The following OPA1 variants were observed in gnomAD, a reference collection of about 807,000 sequenced individuals.
OPA1 encodes dynamin-like GTPase OPA1, mitochondrial.
OPA1 carries 59 observed loss-of-function variants against 152.9 expected under a neutral mutation model. That is an observed-to-expected ratio of 0.39 (90% CI 0.31 to 0.48). The LOEUF (loss-of-function observed/expected upper bound fraction) is 0.48. Ranked by LOEUF, OPA1 falls within the 20% of genes least tolerant of loss-of-function variation. The pLI is 0.96. For missense variants in OPA1, 1,008 were observed against 1,216.8 expected, an observed-to-expected ratio of 0.83 and a Z score of 2.55; for synonymous variants, 400 against 389.9, an observed-to-expected ratio of 1.03 and a Z score of -0.31.
At chr3:193,686,990 T>C (rs1382233323) in intron 29 of OPA1, among the ~76,000 whole-genome samples, 2 of 152,214 alleles carry the variant, frequency 1.3e-5, no homozygotes, top group Non-Finnish European at 2.9e-5. Flanking sequence ...GTGTGGTTCT[T>C]TGTTCCTGTT....
At position 193,664,984 on chromosome 3, in the gene OPA1, T is replaced by G; in HGVS notation, c.2766T>G (p.Phe922Leu). 1 of 1,565,328 alleles carries G rather than the reference T, an allele frequency of 6.4e-7. No individual in the cohort carries two copies. The highest frequency in any genetic ancestry group is 1.4e-5 in the African/African-American group (1 of 74,030). Reference protein sequence around the residue: ...RRGFYYYQRHFVDSELECNDV... With the variant: ...RRGFYYYQRHLVDSELECNDV... ...GTTTTTATTACTACCAAAGGCATTT[T>G]GTAGATTCTGAGGTAAGGTTTCCAA... Residue 922 changes from phenylalanine (F) to leucine (L), a missense_variant, in exon 27 of 31, where the codon TTT becomes TTG. Physicochemically the swap from Phe to Leu is conservative, Grantham distance 22. This residue lies in a region of OPA1 where 137 missense variants were observed against 171.0 expected (regional missense o/e 0.80). Coordinates refer to ENST00000361510, the MANE Select transcript of OPA1 (RefSeq NM_130837.3).
intron 29 of OPA1, among the ~76,000 whole-genome samples, chr3:193,670,383 C>T (rs1717638279): frequency 6.6e-6 from 1 of 151,646 alleles, no homozygotes; most frequent in South Asian, 2.1e-4. Flanking sequence ...AGACTTCCCC[C>T]CCACCTTTTT....
In OPA1 at chr3:193,627,859, G is replaced by A. The variant is rs1016732639; in HGVS notation, c.789+1657G>A. On this transcript the variant is annotated intron_variant, in intron 7 of 30. Coordinates refer to ENST00000361510, the MANE Select transcript of OPA1 (RefSeq NM_130837.3). ...TAACCCTTTTATATCTCCCTTTCCC[G>A]ATTTGTAAATTAGAGACTGGCAAGA... Among the ~76,000 whole-genome samples, 12 of 152,088 alleles carry A rather than the reference G, an allele frequency of 7.9e-5. 1 individual carries two copies. The Middle Eastern group carries it at 0.01, about 129-fold the overall frequency.
intron 23 of OPA1, among the ~76,000 whole-genome samples, 197 bp from the exon 24 acceptor site, chr3:193,658,688 CTT>C (rs1714513960): frequency 2.0e-5 from 3 of 152,282 alleles, no homozygotes; most frequent in African/African-American, 7.2e-5. Flanking sequence ...AATCTCCACT[CTT>C]TATTTTTTAG....
In OPA1 at chr3:193,643,380, C is replaced by T. The variant is rs1734074666; in HGVS notation, c.1313C>T (p.Ser438Phe). 6.2e-7 allele frequency: 1 copy of T among 1,608,470 alleles called. No individual in the cohort carries two copies. Among genetic ancestry groups the T allele is most frequent in the Non-Finnish European group, 8.5e-7 (1 of 1,175,120 alleles). Residue 438 changes from serine to phenylalanine, a missense_variant, in exon 14 of 31, where the codon TCC becomes TTC. Around this residue, in one of 7 missense-constraint regions of OPA1, gnomAD observed 213 missense variants for 291.4 expected, o/e 0.73. Coordinates refer to ENST00000361510, the MANE Select transcript of OPA1 (RefSeq NM_130837.3). ...EGCTVSPETI[S>F]LNVKGPGLQR... is the part of the protein sequence containing the mutation. Reference sequence around the variant, plus strand: ...TTTATTTTTCCTGAGTAGACCATATCCTTAAATGTAAAAGGCCCTGGACTA... The same window carrying T: ...TTTATTTTTCCTGAGTAGACCATATTCTTAAATGTAAAAGGCCCTGGACTA...
At chr3:193,670,950 G>C (rs970612893) in intron 29 of OPA1, among the ~76,000 whole-genome samples, 1 of 152,114 alleles carries the variant, frequency 6.6e-6, no homozygotes, top group African/African-American at 2.4e-5. Flanking sequence ...ATGTCAGCAG[G>C]TCACAGAAAC....
At chr3:193,608,674 G>A (rs1452155501) in intron 1 of OPA1, among the ~76,000 whole-genome samples, 5 of 152,092 alleles carry the variant, frequency 3.3e-5, no homozygotes, top group South Asian at 2.1e-4. Flanking sequence ...AAGAACGTAT[G>A]TTCTGTTGAT....
chr3:193,614,879 T>G lies in OPA1; in HGVS notation c.189T>G (p.Ser63=). 1 of 1,614,120 alleles carries G rather than the reference T, an allele frequency of 6.2e-7. No individual in the cohort carries two copies. Among genetic ancestry groups the G allele is most frequent in the Non-Finnish European group, 8.5e-7 (1 of 1,179,954 alleles). The part of the protein sequence containing the change: ...PQLRTSFQQF[S]SLTNLPLRKL... Reference sequence around the variant, plus strand: ...TAAGGACATCCTTTCAGCAGTTCTCTTCTCTGACAAACCTTCCTTTACGTA... The same window carrying G: ...TAAGGACATCCTTTCAGCAGTTCTCGTCTCTGACAAACCTTCCTTTACGTA... The change falls in exon 2 of 31, where the codon TCT becomes TCG. Residue 63 remains serine, a synonymous_variant. Coordinates refer to ENST00000361510, the MANE Select transcript of OPA1 (RefSeq NM_130837.3).
chr3:193,645,344 A>G (rs1292949302), intron 16 of OPA1, among the ~76,000 whole-genome samples: 2 of 152,232 alleles, frequency 1.3e-5, no homozygotes, highest in African/African-American at 2.4e-5. Flanking sequence ...CGGGTTTTCG[A>G]TACGTGTGTT....
At chr3:193,605,079 T>C (rs1727053731) in intron 1 of OPA1, among the ~76,000 whole-genome samples, 1 of 151,994 alleles carries the variant, frequency 6.6e-6, no homozygotes, top group South Asian at 2.1e-4. Context: ...CTGGGGAAAA[T>C]ATGAAGGGGC....
chr3:193,650,590 A>G (rs1456797792), intron 21 of OPA1, among the ~76,000 whole-genome samples: 1 of 152,146 alleles, frequency 6.6e-6, no homozygotes, highest in Non-Finnish European at 1.5e-5. Context: ...TTTGATCTAT[A>G]TTTGGTTATC....
intron 29 of OPA1, among the ~76,000 whole-genome samples, chr3:193,675,806 C>A (rs1314079832): frequency 6.6e-6 from 1 of 152,210 alleles, no homozygotes; most frequent in Non-Finnish European, 1.5e-5. Context: ...TCGTGTGTTA[C>A]ATATTGTACT....
intron 21 of OPA1, among the ~76,000 whole-genome samples, chr3:193,650,821 A>T (rs1205968867): frequency 6.6e-6 from 1 of 152,222 alleles, no homozygotes; most frequent in African/African-American, 2.4e-5. Flanking sequence ...TATCATTAAC[A>T]TCATGTGACC....
chr3:193,684,446 C>CT (rs67027119), intron 29 of OPA1, among the ~76,000 whole-genome samples: 1,293 of 105,896 alleles, frequency 0.012, 20 homozygotes, highest in Non-Finnish European at 0.016. Flanking sequence ...ATGGTACTAC[C>CT]TTTTTTTTTT....
In OPA1 at chr3:193,675,327, G is replaced by GAA. The variant is rs988338349; in HGVS notation, c.2983+8069_2983+8070dup. 4.0e-3 allele frequency among the ~76,000 whole-genome samples: 254 copies of GAA among 63,276 alleles called. 1 individual carries two copies. Among genetic ancestry groups the GAA allele is most frequent in the African/African-American group, 0.011 (186 of 16,386 alleles). 41.5% of individuals were successfully genotyped at this position (63,276 alleles called of 152,430 possible). A position where few individuals can be genotyped will look rare whatever the true frequency, so the allele number is the denominator to read the frequency against. ...TTCAGAGGAGATTTTTTTTTTTTAAGAAAAAAAAAAAAAAAAAAAAAAACA... is the reference window on the plus strand; with the variant it reads ...TTCAGAGGAGATTTTTTTTTTTTAAGAAAAAAAAAAAAAAAAAAAAAAAAACA... On this transcript the variant is annotated intron_variant, in intron 29 of 30. Transcript: ENST00000361510.
chr3:193,604,255 T>C (rs1270566941), intron 1 of OPA1, among the ~76,000 whole-genome samples: 2 of 152,062 alleles, frequency 1.3e-5, no homozygotes, highest in Admixed American at 1.3e-4. Flanking sequence ...AAGTGAAAGG[T>C]TTAGTGTAAT....
At chr3:193,614,680 G>T in intron 1 of OPA1, 43 bp from the exon 2 acceptor site, 1 of 1,434,002 alleles carries the variant, frequency 7.0e-7, no homozygotes, top group Non-Finnish European at 9.8e-7. Context: ...CCTTTGTACT[G>T]TTACCCTCTC....
chr3:193,597,703 A>C (rs563118583), intron 1 of OPA1, among the ~76,000 whole-genome samples: 1,805 of 151,842 alleles, frequency 0.012, 17 homozygotes, highest in Non-Finnish European at 0.017. Context: ...AAAAAAAAAA[A>C]AAAAAAGAAA....
intron 11 of OPA1, among the ~76,000 whole-genome samples, chr3:193,640,873 C>A (rs980801252): frequency 6.6e-6 from 1 of 152,128 alleles, no homozygotes; most frequent in Non-Finnish European, 1.5e-5. Flanking sequence ...GAAATGAAAT[C>A]TGTTTACAAG....
Sources: gnomAD v4.1 joint callset for allele counts (sites outside exome capture counted in the v4.1 genomes callset) on GRCh38, gnomAD v4.1.1 for gene constraint, gnomAD v4.1.1 regional missense constraint, MANE v1.5 for transcripts, NCBI Gene and HGNC (gene_info 2026-07-23, HGNC 2026-07-21) for gene names.